The following IGF2BP3 variants were observed in gnomAD, a reference collection of about 807,000 sequenced individuals.
IGF2BP3 encodes the protein insulin like growth factor 2 mRNA binding protein 3.
Under a neutral mutation model 73.8 loss-of-function variants are expected in IGF2BP3, and 9 were observed. That is an observed-to-expected ratio of 0.12 (90% confidence interval 0.07 to 0.21). The LOEUF is 0.21. Ranked by LOEUF, IGF2BP3 falls within the 10% of genes least tolerant of loss-of-function variation. The probability of loss-of-function intolerance (pLI) is 1.00; values close to 1 mark genes in which losing one functional copy is unlikely to be tolerated. For synonymous variants in IGF2BP3, 258 were observed against 256.7 expected, an observed-to-expected ratio of 1.01 and a Z score of -0.05; for missense variants, 542 against 714.0, an observed-to-expected ratio of 0.76 and a Z score of 2.75.
At chr7:23,386,583 A>T (rs974268727) in intron 3 of IGF2BP3, among the ~76,000 whole-genome samples, 1 of 152,252 alleles carries the variant, frequency 6.6e-6, no homozygotes, top group Admixed American at 6.5e-5. Flanking sequence ...TCCACAAGCC[A>T]AATGACTGAA....
At chr7:23,348,279 A>C (rs910893995) in intron 6 of IGF2BP3, among the ~76,000 whole-genome samples, 1 of 152,232 alleles carries the variant, frequency 6.6e-6, no homozygotes, top group Non-Finnish European at 1.5e-5. Context: ...ACAGATGGCA[A>C]TTCTACTTCA....
intron 3 of IGF2BP3, among the ~76,000 whole-genome samples, chr7:23,384,095 C>CAAAAAAAAAA (rs35378177): frequency 6.4e-5 from 4 of 62,518 alleles, no homozygotes; most frequent in Non-Finnish European, 1.1e-4. Context: ...GACTCCATCT[C>CAAAAAAAAAA]AAAAAAAAAA....
intron 3 of IGF2BP3, among the ~76,000 whole-genome samples, chr7:23,399,064 T>G (rs1391173352): frequency 1.3e-5 from 2 of 152,216 alleles, no homozygotes; most frequent in Admixed American, 1.3e-4. Context: ...AAGTCTTTAA[T>G]CCATCTTGAA....
intron 3 of IGF2BP3, among the ~76,000 whole-genome samples, chr7:23,392,475 T>C (rs1404594076): frequency 1.4e-5 from 2 of 143,304 alleles, no homozygotes; most frequent in Admixed American, 6.9e-5. Flanking sequence ...TATATATGTA[T>C]ATATATATAT....
chr7:23,449,554 CT>C (rs376571131), intron 2 of IGF2BP3, among the ~76,000 whole-genome samples: 26,803 of 104,256 alleles, frequency 0.26, 2,976 homozygotes, highest in Middle Eastern at 0.34. Context: ...TTTTCTTTTT[CT>C]TTTTTTTTTT....
intron 3 of IGF2BP3, among the ~76,000 whole-genome samples, chr7:23,387,035 C>A (rs1283919427): frequency 6.6e-6 from 1 of 150,634 alleles, no homozygotes. Flanking sequence ...TCACTGCACT[C>A]CTGCCTAGCA....
At chr7:23,312,496 CAAAAGCTACT>C (rs1562662483) in intron 14 of IGF2BP3, 36 bp from the exon 15 acceptor site, 1 of 1,420,422 alleles carries the variant, frequency 7.0e-7, no homozygotes. Flanking sequence ...TCCACTTGAT[CAAAAGCTACT>C]AAAAGTTATT....
intron 5 of IGF2BP3, among the ~76,000 whole-genome samples, chr7:23,353,280 A>C (rs1323286590): frequency 6.6e-6 from 1 of 152,142 alleles, no homozygotes; most frequent in African/African-American, 2.4e-5. Flanking sequence ...AAATAGAAAA[A>C]AGGGGGTGGA....
intron 3 of IGF2BP3, among the ~76,000 whole-genome samples, chr7:23,381,843 G>T (rs755888260): frequency 6.6e-6 from 1 of 152,128 alleles, no homozygotes; most frequent in Admixed American, 6.5e-5. Context: ...AAAGTGCTGG[G>T]ATTACAGGCT....
At chr7:23,388,835 A>T (rs1437726689) in intron 3 of IGF2BP3, among the ~76,000 whole-genome samples, 1 of 152,182 alleles carries the variant, frequency 6.6e-6, no homozygotes, top group Admixed American at 6.5e-5. Flanking sequence ...ATAGAGACCT[A>T]CACATAAATG....
chr7:23,422,983 C>G (rs1417778776), intron 2 of IGF2BP3, among the ~76,000 whole-genome samples: 1 of 152,202 alleles, frequency 6.6e-6, no homozygotes, highest in Admixed American at 6.5e-5. Flanking sequence ...CCACGTTGGC[C>G]AGGCTGGTCT....
At position 23,411,984 on chromosome 7, in the gene IGF2BP3, C is replaced by CTTTTTTT. The variant is rs767524257; in HGVS notation, c.285+6785_285+6791dup. ...CTTCACTACTTTCCCACTTATTTCT[C>CTTTTTTT]TTTTTTTTTTTTTTTTTTTTTTCAG... is the stretch of plus-strand genomic sequence containing the variant. On this transcript the variant is annotated intron_variant, in intron 3 of 14. Transcript: ENST00000258729. 5.7e-5 allele frequency among the ~76,000 whole-genome samples: 6 copies of CTTTTTTT among 104,850 alleles called. 1 individual carries two copies. The highest frequency in any genetic ancestry group is 1.3e-4 in the African/African-American group (3 of 23,356). 68.8% of individuals were successfully genotyped at this position (104,850 alleles called of 152,430 possible). A position where few individuals can be genotyped will look rare whatever the true frequency, so the allele number is the denominator to read the frequency against.
intron 3 of IGF2BP3, among the ~76,000 whole-genome samples, chr7:23,378,891 C>T (rs960533043): frequency 6.6e-6 from 1 of 151,876 alleles, no homozygotes; most frequent in Non-Finnish European, 1.5e-5. Flanking sequence ...ATTCGTAAGG[C>T]TCCCCCGGAA....
intron 2 of IGF2BP3, among the ~76,000 whole-genome samples, chr7:23,431,487 C>A (rs987145201): frequency 2.0e-5 from 3 of 152,030 alleles, no homozygotes; most frequent in Non-Finnish European, 2.9e-5. Context: ...AGGAGTAACA[C>A]AGGTAGACCC....
intron 3 of IGF2BP3, among the ~76,000 whole-genome samples, chr7:23,387,214 A>C (rs1025535214): frequency 6.6e-6 from 1 of 152,214 alleles, no homozygotes; most frequent in Non-Finnish European, 1.5e-5. Context: ...TTCCTCCTAG[A>C]AAGTCCATAA....
At chr7:23,362,298 A>G (rs1340687765) in intron 3 of IGF2BP3, among the ~76,000 whole-genome samples, 1 of 152,226 alleles carries the variant, frequency 6.6e-6, no homozygotes, top group African/African-American at 2.4e-5. Context: ...AGTTTTATCT[A>G]TAAGATGTTC....
intron 10 of IGF2BP3, among the ~76,000 whole-genome samples, chr7:23,319,785 C>T (rs1051658469): frequency 2.0e-5 from 3 of 152,134 alleles, no homozygotes; most frequent in African/African-American, 7.2e-5. Context: ...GAAACCTTAC[C>T]ACTGTCATTC....
At chr7:23,321,365 G>T (rs565365403) in intron 10 of IGF2BP3, among the ~76,000 whole-genome samples, 1 of 152,186 alleles carries the variant, frequency 6.6e-6, no homozygotes, top group Non-Finnish European at 1.5e-5. Flanking sequence ...CTTTTCCGAC[G>T]GGCTTAAAAA....
intron 3 of IGF2BP3, among the ~76,000 whole-genome samples, chr7:23,407,121 A>G (rs1388753585): frequency 6.6e-6 from 1 of 151,948 alleles, no homozygotes; most frequent in Non-Finnish European, 1.5e-5. Context: ...CCCCACAGAC[A>G]TTAAAGGATA....
Sources: gnomAD v4.1 joint callset for allele counts (sites outside exome capture counted in the v4.1 genomes callset) on GRCh38, gnomAD v4.1.1 for gene constraint, MANE v1.5 for transcripts, NCBI Gene and HGNC (gene_info 2026-07-23, HGNC 2026-07-21) for gene names.